The following TEX2 variants were observed in gnomAD, a reference collection of about 807,000 sequenced individuals.
TEX2 encodes testis-expressed protein 2.
TEX2 carries 53 observed loss-of-function variants against 106.9 expected under a neutral mutation model. That is an observed-to-expected ratio of 0.50 (90% CI 0.40 to 0.62). The LOEUF (loss-of-function observed/expected upper bound fraction) is 0.62, where lower values mean the gene tolerates loss of function less well. Among genes scored for constraint, TEX2 ranks in the 20% least tolerant of loss-of-function variants. The probability of loss-of-function intolerance (pLI) is 0.00; values close to 1 mark genes in which losing one functional copy is unlikely to be tolerated. For synonymous variants in TEX2, 523 were observed against 534.8 expected (o/e 0.98, Z 0.30); for missense variants, 1,207 against 1,379.0 (o/e 0.88, Z 1.98).
intron 2 of TEX2, among the ~76,000 whole-genome samples, chr17:64,202,319 G>T (rs190866152): frequency 4.7e-4 from 72 of 152,222 alleles, no homozygotes; most frequent in Non-Finnish European, 6.8e-4. Flanking sequence ...TCAGGAACCA[G>T]GTTGCAGACT....
chr17:64,215,031 A>C (rs868988294), intron 1 of TEX2, among the ~76,000 whole-genome samples: 1 of 152,226 alleles, frequency 6.6e-6, no homozygotes, highest in South Asian at 2.1e-4. Flanking sequence ...TCTACCAAGG[A>C]CTGTGGTGAG....
rs1288045022 is a variant in TEX2, at chr17:64,188,604, C to A, written c.2177-189G>T. On this transcript the variant is annotated intron_variant, in intron 4 of 11. Coordinates refer to ENST00000584379, the MANE Select transcript of TEX2 (RefSeq NM_001288732.2). Reference sequence around the variant, plus strand: ...GGCCGAGGCGGGCGGATCACGAGGTCAGGAGATCGAGACCATCCTGGCTAA... The same window carrying A: ...GGCCGAGGCGGGCGGATCACGAGGTAAGGAGATCGAGACCATCCTGGCTAA... The A allele has an allele frequency of 1.3e-5, 11 of 846,480 alleles. No homozygotes were observed. The East Asian group carries it at 3.0e-4, about 23-fold the overall frequency. 52.4% of individuals were successfully genotyped at this position (846,480 alleles called of 1,614,324 possible). A position where few individuals can be genotyped will look rare whatever the true frequency, so the allele number is the denominator to read the frequency against.
At chr17:64,194,524 C>A (rs562733256) in intron 3 of TEX2, among the ~76,000 whole-genome samples, 112 of 102,000 alleles carry the variant, frequency 1.1e-3, no homozygotes, top group Non-Finnish European at 2.1e-3. Flanking sequence ...AGTTAAGTAC[C>A]GCAGAATCAC....
chr17:64,239,630 C>T (rs981260307), intron 1 of TEX2, among the ~76,000 whole-genome samples: 1 of 152,052 alleles, frequency 6.6e-6, no homozygotes, highest in Non-Finnish European at 1.5e-5. Context: ...AATCCCAGCA[C>T]TTTGGGAGGC....
chr17:64,227,103 G>A (rs920572041), intron 1 of TEX2, among the ~76,000 whole-genome samples: 1 of 151,998 alleles, frequency 6.6e-6, no homozygotes, highest in Admixed American at 6.6e-5. Context: ...GTGCGCGCCT[G>A]TAGTCCCAGC....
intron 2 of TEX2, among the ~76,000 whole-genome samples, chr17:64,208,597 C>T (rs11652931): frequency 0.55 from 83,454 of 151,728 alleles, 24,434 homozygotes; most frequent in East Asian, 0.83. Flanking sequence ...CCTATTAAAC[C>T]CTATTTTTTT....
At chr17:64,155,148 G>A in intron 8 of TEX2, 181 bp from the exon 9 acceptor site, 1 of 648,800 alleles carries the variant, frequency 1.5e-6, no homozygotes. Flanking sequence ...AGAATCCTTG[G>A]ATCAGCGCAG....
chr17:64,177,321 A>C lies in TEX2; in HGVS notation c.2571+4T>G, dbSNP rs747351066. On this transcript the variant is annotated splice_donor_region_variant and intron_variant, in intron 6 of 11. Coordinates refer to ENST00000584379, the MANE Select transcript of TEX2 (RefSeq NM_001288732.2). ...TTAGAAGCCTCTTGTGTGGAAAGTG[A>C]TACCTTTATTTTGCTGAGTTTCATT... The C allele has an allele frequency of 6.2e-7, 1 of 1,614,106 alleles. No homozygotes were observed. Among genetic ancestry groups the C allele is most frequent in the Non-Finnish European group, 8.5e-7 (1 of 1,180,012 alleles).
rs756216957 is a variant in TEX2, at chr17:64,154,941, G to A, written c.2831C>T (p.Ala944Val). The A allele has an allele frequency of 5.6e-6, 9 of 1,600,734 alleles. No homozygotes were observed. The highest frequency in any genetic ancestry group is 2.3e-5 in the East Asian group (1 of 44,190). The change falls in exon 9 of 12, where the codon GCG becomes GTG. Residue 944 changes from alanine to valine, a missense_variant. Physicochemically the swap from Ala to Val is moderately conservative, Grantham distance 64. Around this residue, in one of 3 missense-constraint regions of TEX2, gnomAD observed 1,067 missense variants for 1,193.6 expected, o/e 0.89. Coordinates refer to ENST00000584379, the MANE Select transcript of TEX2 (RefSeq NM_001288732.2). ...GCTGGAGGATTCCTCATCGCTGTCC[G>A]CCAGACAGAATGCCCGGGGCCTGCA... Reference protein sequence around the residue: ...EGCRPRAFCLADSDEESSSAG... With the variant: ...EGCRPRAFCLVDSDEESSSAG...
chr17:64,230,109 G>GTGTGCATGCATGTGTGCACATGTGTA (rs569541101), intron 1 of TEX2, among the ~76,000 whole-genome samples: 28 of 152,306 alleles, frequency 1.8e-4, no homozygotes, highest in African/African-American at 6.5e-4. Flanking sequence ...GGTTTAAGAT[G>GTGTGCATGCATGTGTGCACATGTGTA]TGTGCATGCA....
At chr17:64,222,996 T>A (rs1354732844) in intron 1 of TEX2, among the ~76,000 whole-genome samples, 6 of 152,178 alleles carry the variant, frequency 3.9e-5, no homozygotes, top group Non-Finnish European at 2.9e-5. Context: ...ATGAAGAAGT[T>A]CATCTCTCCC....
intron 4 of TEX2, among the ~76,000 whole-genome samples, chr17:64,193,006 A>G (rs997937264): frequency 6.6e-6 from 1 of 152,226 alleles, no homozygotes; most frequent in Non-Finnish European, 1.5e-5. Flanking sequence ...TAACAGGCAC[A>G]ACACCTGAAG....
chr17:64,171,673 G>T (rs1469078916), intron 6 of TEX2, among the ~76,000 whole-genome samples: 3 of 152,060 alleles, frequency 2.0e-5, no homozygotes, highest in Admixed American at 6.5e-5. Context: ...ACTCTCAGTG[G>T]GTAGTAAGAA....
intron 1 of TEX2, among the ~76,000 whole-genome samples, chr17:64,246,140 C>T (rs1344849446): frequency 6.6e-6 from 1 of 152,180 alleles, no homozygotes; most frequent in African/African-American, 2.4e-5. Flanking sequence ...GCACTAGAGG[C>T]TGAAATTCAG....
Position 64,213,057 on chromosome 17 carries a change from C to A in TEX2, c.1161G>T (p.Gly387=), listed in dbSNP as rs782007575. 6.8e-6 allele frequency: 11 copies of A among 1,614,234 alleles called. No homozygotes were observed. In the Admixed American group the frequency reaches 1.5e-4, roughly 22 times the overall value. ...TREIELKSSQ[G]SSLKDLGLKT... Reference sequence around the variant, plus strand: ...TCAGGCCTAAATCCTTCAGACTGCTCCCCTGGGAACTTTTCAGTTCTATCT... The same window carrying A: ...TCAGGCCTAAATCCTTCAGACTGCTACCCTGGGAACTTTTCAGTTCTATCT... The change falls in exon 2 of 12, where the codon GGG becomes GGT. Residue 387 remains glycine, a synonymous_variant. Transcript: ENST00000584379. The surrounding 1 kb of genome is among the most constrained non-coding windows in gnomAD (Gnocchi z 4.4).
chr17:64,156,415 C>A (rs2030631693), intron 8 of TEX2, among the ~76,000 whole-genome samples: 1 of 152,192 alleles, frequency 6.6e-6, no homozygotes, highest in African/African-American at 2.4e-5. Context: ...AAACAAAAGC[C>A]TCTTGTCCCT....
intron 4 of TEX2, 96 bp downstream of exon 4, chr17:64,193,463 G>GGTTGGTTC: frequency 5.0e-6 from 5 of 993,956 alleles, no homozygotes; most frequent in Non-Finnish European, 7.0e-6. Context: ...TTCAGGGTGG[G>GGTTGGTTC]CTTCCTTCCT....
At chr17:64,221,805 A>G (rs2033366076) in intron 1 of TEX2, among the ~76,000 whole-genome samples, 1 of 152,252 alleles carries the variant, frequency 6.6e-6, no homozygotes, top group South Asian at 2.1e-4. Context: ...AGATGAATGG[A>G]CAAACACAAG....
At chr17:64,262,956 C>T (rs2034323462) in intron 1 of TEX2, among the ~76,000 whole-genome samples, 1 of 152,134 alleles carries the variant, frequency 6.6e-6, no homozygotes, top group Admixed American at 6.5e-5. Flanking sequence ...CGGCGGGGCC[C>T]CGAAGGAAGG....
Sources: gnomAD v4.1 joint callset for allele counts (sites outside exome capture counted in the v4.1 genomes callset) on GRCh38, gnomAD v4.1.1 for gene constraint, gnomAD v4.1.1 regional missense constraint, Gnocchi (gnomAD v3.1) non-coding constraint, MANE v1.5 for transcripts, NCBI Gene and HGNC (gene_info 2026-07-23, HGNC 2026-07-21) for gene names.